MIB1: variants seen among roughly 807,000 people sequenced by gnomAD.
The protein encoded by MIB1 is MIB E3 ubiquitin protein ligase 1.
In MIB1, 278 loss-of-function variants were observed where a neutral mutation model predicts 124.5. That is an observed-to-expected ratio of 2.23 (90% CI 2.02 to 2.47). The LOEUF is 2.47. MIB1 is among the 30% of genes most tolerant of loss of function. The pLI, the probability that MIB1 is intolerant of heterozygous loss-of-function variation, is 0.00. For missense variants in MIB1, 957 were observed against 1,254.4 expected, an observed-to-expected ratio of 0.76 and a Z score of 3.58; for synonymous variants, 446 against 429.4, an observed-to-expected ratio of 1.04 and a Z score of -0.48.
At chr18:21,737,050 T>C (rs3017032), upstream of MIB1, among the ~76,000 whole-genome samples, 92,263 of 151,936 alleles carry the variant, frequency 0.61, 30,770 homozygotes, top group African/African-American at 0.9. Context: ...AGAGCAACCC[T>C]AAGACACATA....
chr18:21,771,770 G>T (rs1423012544), intron 3 of MIB1, among the ~76,000 whole-genome samples: 1 of 151,934 alleles, frequency 6.6e-6, no homozygotes, highest in Admixed American at 6.6e-5. Context: ...GCTGAGGTAG[G>T]CAGATCACAA....
intron 1 of MIB1, among the ~76,000 whole-genome samples, chr18:21,707,439 C>G (rs1272567264): frequency 6.6e-6 from 1 of 152,204 alleles, no homozygotes; most frequent in Non-Finnish European, 1.5e-5. Context: ...CAGAGGCAAC[C>G]TACTGGGGTC....
intron 12 of MIB1, chr18:21,830,789 C>A (rs2041971787): frequency 6.6e-6 from 1 of 152,058 alleles, no homozygotes; most frequent in Non-Finnish European, 1.5e-5. Flanking sequence ...GAACACAGAA[C>A]CTCACCTTTT....
In MIB1 at chr18:21,869,637, G is replaced by A. The variant is rs138254129; in HGVS notation, c.*4971G>A. 1,698 of 152,492 alleles carry A rather than the reference G, an allele frequency of 0.011. 11 individuals carry two copies. Among genetic ancestry groups the A allele is most frequent in the Non-Finnish European group, 0.015 (988 of 67,886 alleles). The allele number at this position is 152,492 out of a possible 1,614,324, so 9.4% of individuals were successfully genotyped here. A position where few individuals can be genotyped will look rare whatever the true frequency, so the allele number is the denominator to read the frequency against. On this transcript the variant is annotated 3_prime_UTR_variant, in exon 21 of 21. Coordinates refer to ENST00000261537, the MANE Select transcript of MIB1 (RefSeq NM_020774.4). The stretch of plus-strand genomic sequence containing the variant: ...TTTTAAAAACTGATTATTTATGGCC[G>A]TGACACTGTTACCAGAAAAGTAATT...
intron 1 of MIB1, among the ~76,000 whole-genome samples, chr18:21,708,869 C>G (rs901482534): frequency 2.6e-5 from 4 of 152,082 alleles, no homozygotes; most frequent in Non-Finnish European, 5.9e-5. Flanking sequence ...GTTCCAGATG[C>G]AGCAGGTACA....
chr18:21,802,651 C>T (rs1231596563), intron 9 of MIB1, among the ~76,000 whole-genome samples: 2 of 152,102 alleles, frequency 1.3e-5, no homozygotes, highest in African/African-American at 2.4e-5. Flanking sequence ...ACTTTTTTCA[C>T]GTCAGAGCCA....
chr18:21,834,448 C>G (rs1024972794), intron 12 of MIB1, among the ~76,000 whole-genome samples: 1 of 152,090 alleles, frequency 6.6e-6, no homozygotes, highest in African/African-American at 2.4e-5. Flanking sequence ...TCACTTCCTT[C>G]CTAAGAGCAT....
At chr18:21,821,594 GTTTTT>G (rs200896665) in intron 12 of MIB1, among the ~76,000 whole-genome samples, 1 of 146,216 alleles carries the variant, frequency 6.8e-6, no homozygotes, top group African/African-American at 2.5e-5. Flanking sequence ...TGTTTTTTTT[GTTTTT>G]TTTGTTTTTT....
At chr18:21,844,279 G>C in intron 15 of MIB1, 26 bp downstream of exon 15, 1 of 1,608,646 alleles carries the variant, frequency 6.2e-7, no homozygotes, top group East Asian at 2.2e-5. Flanking sequence ...CTTTCATTCA[G>C]TACCAGTGGA....
chr18:21,741,412 G>A lies in MIB1; in HGVS notation c.-172G>A. ...GGCGACAGCTGGGCAGCGGCTTTGGGCTCCGCGGGGACCGCGCCGCCGCCC... is the reference window on the plus strand; with the variant it reads ...GGCGACAGCTGGGCAGCGGCTTTGGACTCCGCGGGGACCGCGCCGCCGCCC... On this transcript the variant is annotated 5_prime_UTR_variant, in exon 1 of 21. Coordinates refer to ENST00000261537, the MANE Select transcript of MIB1 (RefSeq NM_020774.4). This position sits in a 1 kb window ranked among gnomAD's most constrained non-coding sequence, Gnocchi z 5.4. 3.6e-6 allele frequency: 1 copy of A among 279,778 alleles called. No individual in the cohort carries two copies. The highest frequency in any genetic ancestry group is 6.3e-6 in the Non-Finnish European group (1 of 159,026). 17.3% of individuals were successfully genotyped at this position (279,778 alleles called of 1,614,324 possible).
intron 12 of MIB1, among the ~76,000 whole-genome samples, chr18:21,834,680 C>T (rs1031384387): frequency 6.6e-6 from 1 of 152,138 alleles, no homozygotes; most frequent in Non-Finnish European, 1.5e-5. Flanking sequence ...GAGGAATAGT[C>T]TACACAATAT....
intron 15 of MIB1, among the ~76,000 whole-genome samples, chr18:21,844,737 C>CT (rs2042121134): frequency 6.6e-6 from 1 of 151,944 alleles, no homozygotes. Flanking sequence ...CCATTCAGTT[C>CT]TTTTTTAACA....
chr18:21,833,937 GA>G (rs2042004948), intron 12 of MIB1, among the ~76,000 whole-genome samples: 1 of 152,134 alleles, frequency 6.6e-6, no homozygotes, highest in African/African-American at 2.4e-5. Context: ...GAGCATTAGG[GA>G]AAATATCTCT....
chr18:21,762,975 A>G (rs1383150889), intron 1 of MIB1, among the ~76,000 whole-genome samples: 2 of 152,056 alleles, frequency 1.3e-5, no homozygotes, highest in East Asian at 3.8e-4. Context: ...TACTAAATCT[A>G]TATTAAGATG....
intron 1 of MIB1, chr18:21,724,241 A>G (rs998306203): frequency 6.6e-6 from 1 of 152,274 alleles, no homozygotes. Context: ...AAAAAATTCT[A>G]TCTGTGATAG....
At position 21,724,727 on chromosome 18, in the gene MIB1, AATATAT is replaced by A. The variant is rs60650753; in HGVS notation, n.167+19645_167+19650del. 6.7e-3 allele frequency among the ~76,000 whole-genome samples: 116 copies of A among 17,360 alleles called. 2 individuals are homozygous for A. Among genetic ancestry groups the A allele is most frequent in the South Asian group, 0.017 (6 of 350 alleles). 11.4% of individuals were successfully genotyped at this position (17,360 alleles called of 152,430 possible). On this transcript the variant is annotated intron_variant and non_coding_transcript_variant, in intron 1 of 20. Transcript: ENST00000578646. ...CTCCCCCATCCAAAAAAAAAAAAAA[AATATAT>A]ATATATATATATATATATATATATA... is the stretch of plus-strand genomic sequence containing the variant.
upstream of MIB1, among the ~76,000 whole-genome samples, chr18:21,735,993 C>G (rs574054274): frequency 3.9e-5 from 6 of 152,248 alleles, no homozygotes; most frequent in Admixed American, 6.5e-5. Context: ...GTGAAGAGAG[C>G]AGTGGATCTC....
Position 21,765,871 on chromosome 18 carries a change from C to T in MIB1, c.329C>T (p.Thr110Ile). Reference protein sequence around the residue: ...CAECTNYDLCTVCYHGDKHHL... With the variant: ...CAECTNYDLCIVCYHGDKHHL... The stretch of plus-strand genomic sequence containing the variant: ...GAGTGTACAAATTATGATTTGTGCA[C>T]AGTGTGTTATCATGGAGATAAACAT... The change falls in exon 2 of 21, where the codon ACA becomes ATA. Residue 110 changes from threonine (T) to isoleucine (I), a missense_variant. Coordinates refer to ENST00000261537, the MANE Select transcript of MIB1 (RefSeq NM_020774.4). The T allele has an allele frequency of 6.2e-7, 1 of 1,614,092 alleles. No individual in the cohort carries two copies. The highest frequency in any genetic ancestry group is 8.5e-7 in the Non-Finnish European group (1 of 1,179,956).
At chr18:21,711,627 G>T (rs2040665981) in intron 1 of MIB1, among the ~76,000 whole-genome samples, 1 of 151,876 alleles carries the variant, frequency 6.6e-6, no homozygotes, top group Non-Finnish European at 1.5e-5. Flanking sequence ...ACTCTAAAGA[G>T]GATAAAGCCG....
Sources: gnomAD v4.1 joint callset for allele counts (sites outside exome capture counted in the v4.1 genomes callset) on GRCh38, gnomAD v4.1.1 for gene constraint, Gnocchi (gnomAD v3.1) non-coding constraint, MANE v1.5 for transcripts, NCBI Gene and HGNC (gene_info 2026-07-23, HGNC 2026-07-21) for gene names.